Variants in FSTL1 observed in about 807,000 individuals in gnomAD.
FSTL1 encodes the protein follistatin-related protein 1.
In FSTL1, 24 loss-of-function variants were observed where a neutral mutation model predicts 45.9. The observed-to-expected ratio is 0.52, with a 90% CI of 0.38 to 0.74. FSTL1 has a LOEUF of 0.74. Ranked by LOEUF, FSTL1 falls within the 30% of genes least tolerant of loss-of-function variation. The pLI, the probability that FSTL1 is intolerant of heterozygous loss-of-function variation, is 0.00. For missense variants in FSTL1, 340 were observed against 381.8 expected (o/e 0.89, Z 0.91); for synonymous variants, 120 against 137.6 (o/e 0.87, Z 0.89).
intron 6 of FSTL1, among the ~76,000 whole-genome samples, chr3:120,409,327 C>A (rs1170477073): frequency 6.6e-6 from 1 of 152,164 alleles, no homozygotes. Context: ...TGTGTTAGAT[C>A]CCAAAGACTC....
At chr3:120,425,914 C>T (rs1167710647) in intron 2 of FSTL1, among the ~76,000 whole-genome samples, 1 of 152,146 alleles carries the variant, frequency 6.6e-6, no homozygotes, top group Non-Finnish European at 1.5e-5. Flanking sequence ...GGGTGGAACC[C>T]TCTACTCCCC....
chr3:120,448,347 A>C (rs1257486083), intron 2 of FSTL1, among the ~76,000 whole-genome samples: 1 of 152,246 alleles, frequency 6.6e-6, no homozygotes, highest in Non-Finnish European at 1.5e-5. Flanking sequence ...AAGAAATTTA[A>C]ACAGCAAGCA....
chr3:120,410,720 T>C (rs915728959), intron 5 of FSTL1: 1 of 646,432 alleles, frequency 1.5e-6, no homozygotes, highest in African/African-American at 1.8e-5. Context: ...TCAGGAAAAA[T>C]GGGAAAACAC....
At chr3:120,397,079 T>C in intron 10 of FSTL1, 83 bp from the exon 11 acceptor site, 1 of 1,094,686 alleles carries the variant, frequency 9.1e-7, no homozygotes, top group South Asian at 1.2e-5. Context: ...CTATATAGCA[T>C]TGGCATTTAC....
At chr3:120,408,785 TTC>T (rs1356209954) in intron 6 of FSTL1, among the ~76,000 whole-genome samples, 22 of 150,682 alleles carry the variant, frequency 1.5e-4, no homozygotes, top group Non-Finnish European at 2.5e-4. Context: ...TTCTCTGTGC[TTC>T]TGAGTGTGAT....
At chr3:120,408,462 C>T (rs1049458641) in intron 6 of FSTL1, among the ~76,000 whole-genome samples, 1 of 152,180 alleles carries the variant, frequency 6.6e-6, no homozygotes, top group African/African-American at 2.4e-5. Flanking sequence ...TCTTCATCTG[C>T]GGGTTCTATA....
intron 2 of FSTL1, among the ~76,000 whole-genome samples, chr3:120,436,731 G>A (rs190267370): frequency 3.3e-5 from 5 of 152,302 alleles, no homozygotes; most frequent in African/African-American, 1.2e-4. Flanking sequence ...TGGGACTCTA[G>A]GGAGAAGCCA....
At chr3:120,404,709 A>C (rs1147700) in intron 7 of FSTL1, 144 bp downstream of exon 7, 126,065 of 660,052 alleles carry the variant, frequency 0.19, 18,130 homozygotes, top group East Asian at 0.63. Context: ...CTTTCATAGA[A>C]TAGAACAGGA....
chr3:120,414,470 A>G (rs1274366016), intron 3 of FSTL1, among the ~76,000 whole-genome samples: 3 of 142,674 alleles, frequency 2.1e-5, no homozygotes, highest in South Asian at 2.3e-4. Flanking sequence ...CTGCCCGGCC[A>G]CCACCCCGTC....
chr3:120,412,380 T>C (rs1937074266), intron 3 of FSTL1, among the ~76,000 whole-genome samples: 1 of 152,180 alleles, frequency 6.6e-6, no homozygotes, highest in South Asian at 2.1e-4. Context: ...AAGAAGTGAA[T>C]AAAACAGTCT....
At chr3:120,436,857 C>G (rs1198522253) in intron 2 of FSTL1, among the ~76,000 whole-genome samples, 3 of 152,094 alleles carry the variant, frequency 2.0e-5, no homozygotes, top group Non-Finnish European at 4.4e-5. Flanking sequence ...CTGCGTGCTC[C>G]GAGTATTTGT....
intron 3 of FSTL1, among the ~76,000 whole-genome samples, chr3:120,412,827 C>A (rs1468824028): frequency 1.6e-5 from 1 of 64,362 alleles, no homozygotes; most frequent in South Asian, 5.4e-4. Context: ...TGTGCGCGCG[C>A]GCGCGCGCGC....
intron 3 of FSTL1, among the ~76,000 whole-genome samples, chr3:120,413,024 T>C (rs1393093646): frequency 6.6e-6 from 1 of 152,156 alleles, no homozygotes; most frequent in Non-Finnish European, 1.5e-5. Flanking sequence ...AGAATCATTA[T>C]GGACAGGGAA....
chr3:120,396,318 A>T lies in FSTL1; in HGVS notation c.*634T>A, dbSNP rs1014576172. ...ACAGAGAAATAGCACCTTTGGTAAA[A>T]AGTATTTTTAAAATTTGGTTAGGTC... is the stretch of plus-strand genomic sequence containing the variant. On this transcript the variant is annotated 3_prime_UTR_variant, in exon 11 of 11. Coordinates refer to ENST00000295633, the MANE Select transcript of FSTL1 (RefSeq NM_007085.5). 6.5e-6 allele frequency: 1 copy of T among 152,764 alleles called. No homozygotes were observed. Among genetic ancestry groups the T allele is most frequent in the Non-Finnish European group, 1.5e-5 (1 of 68,224 alleles). 9.5% of individuals were successfully genotyped at this position (152,764 alleles called of 1,614,324 possible).
intron 2 of FSTL1, among the ~76,000 whole-genome samples, chr3:120,425,907 TG>T (rs1937367884): frequency 6.6e-6 from 1 of 152,134 alleles, no homozygotes; most frequent in Non-Finnish European, 1.5e-5. Flanking sequence ...GTGAACTGGG[TG>T]GAACCCTCTA....
chr3:120,434,397 G>A (rs1937519514), intron 2 of FSTL1, among the ~76,000 whole-genome samples: 1 of 152,182 alleles, frequency 6.6e-6, no homozygotes, highest in Non-Finnish European at 1.5e-5. Context: ...TCTGGGTCCA[G>A]ACAAGTCCCT....
chr3:120,416,139 A>G, intron 2 of FSTL1, 112 bp from the exon 3 acceptor site: 2 of 826,606 alleles, frequency 2.4e-6, no homozygotes, highest in Non-Finnish European at 4.1e-6. Context: ...GTCATGGCTC[A>G]TGGTCTTAAA....
intron 2 of FSTL1, among the ~76,000 whole-genome samples, chr3:120,450,459 A>C (rs1937863340): frequency 6.6e-6 from 1 of 151,932 alleles, no homozygotes; most frequent in African/African-American, 2.4e-5. Context: ...CCTCCATGTT[A>C]GCCGCGGCGG....
intron 2 of FSTL1, among the ~76,000 whole-genome samples, chr3:120,446,203 A>C (rs1937735818): frequency 6.6e-6 from 1 of 152,202 alleles, no homozygotes; most frequent in African/African-American, 2.4e-5. Flanking sequence ...CTCATCCTTT[A>C]CTTCCTATTC....
Sources: allele counts gnomAD v4.1 joint callset (sites outside exome capture counted in the v4.1 genomes callset), GRCh38; gene constraint gnomAD v4.1.1; transcripts MANE v1.5; gene names NCBI Gene and HGNC (gene_info 2026-07-23, HGNC 2026-07-21).